The following COL27A1 variants were observed in gnomAD, a reference collection of about 807,000 sequenced individuals.
The protein encoded by COL27A1 is collagen alpha-1(XXVII) chain.
Under a neutral mutation model 251.3 loss-of-function variants are expected in COL27A1, and 106 were observed. The ratio of observed to expected loss-of-function variants is 0.42; its 90% CI spans 0.36 to 0.50. The LOEUF (loss-of-function observed/expected upper bound fraction) is 0.50, where lower values mean the gene tolerates loss of function less well. Ranked by LOEUF, COL27A1 falls within the 20% of genes least tolerant of loss-of-function variation. COL27A1 has a pLI of 0.00. For synonymous variants in COL27A1, 1,000 were observed against 986.3 expected (o/e 1.01, Z -0.26); for missense variants, 2,325 against 2,522.8 (o/e 0.92, Z 1.68).
chr9:114,280,947 A>G (rs1358160699), intron 37 of COL27A1, among the ~76,000 whole-genome samples: 1 of 152,194 alleles, frequency 6.6e-6, no homozygotes, highest in Non-Finnish European at 1.5e-5. Flanking sequence ...ACAGCTGCAG[A>G]AATCTGCAGA....
intron 14 of COL27A1, among the ~76,000 whole-genome samples, chr9:114,228,176 C>T (rs147201081): frequency 3.3e-4 from 51 of 152,284 alleles, no homozygotes; most frequent in African/African-American, 1.1e-3. Context: ...GGTGCTGCGC[C>T]GTGACTCCCC....
At chr9:114,164,399 G>T (rs1848691576) in intron 2 of COL27A1, among the ~76,000 whole-genome samples, 1 of 152,242 alleles carries the variant, frequency 6.6e-6, no homozygotes, top group African/African-American at 2.4e-5. Context: ...CATTTGCCAG[G>T]TGTCAGGGCT....
At chr9:114,267,822 C>A (rs2135612509) in intron 34 of COL27A1, among the ~76,000 whole-genome samples, 1 of 152,302 alleles carries the variant, frequency 6.6e-6, no homozygotes, top group Middle Eastern at 3.4e-3. Context: ...CATGCGATAC[C>A]ATCTGCAGCT....
At chr9:114,238,798 TC>T (rs139745319) in intron 19 of COL27A1, among the ~76,000 whole-genome samples, 3,371 of 152,246 alleles carry the variant, frequency 0.022, 131 homozygotes, top group African/African-American at 0.078. Flanking sequence ...ATTAGGCACC[TC>T]CTGGTGCCAG....
rs544901055 is a variant in COL27A1, at chr9:114,234,801, G to C, written c.2566-798G>C. ...TAGTTAATTAGAAGTAGACCGGCCA[G>C]GCACAGTGGCTCACGCCTGTAATCC... On this transcript the variant is annotated intron_variant, in intron 16 of 60. Coordinates refer to ENST00000356083, the MANE Select transcript of COL27A1 (RefSeq NM_032888.4). 1.8e-4 allele frequency among the ~76,000 whole-genome samples: 28 copies of C among 152,100 alleles called. 1 individual carries two copies. The highest frequency in any genetic ancestry group is 6.5e-4 in the African/African-American group (27 of 41,464).
intron 58 of COL27A1, 28 bp from the exon 59 acceptor site, chr9:114,307,641 C>T (rs1829151909): frequency 6.8e-7 from 1 of 1,478,728 alleles, no homozygotes; most frequent in African/African-American, 1.4e-5. Flanking sequence ...CAGATACATA[C>T]ATCACCTCCA....
intron 12 of COL27A1, among the ~76,000 whole-genome samples, chr9:114,213,567 T>G (rs1183349032): frequency 6.6e-6 from 1 of 152,224 alleles, no homozygotes; most frequent in Non-Finnish European, 1.5e-5. Context: ...TCTGTTGTCA[T>G]GAAGCTCAAA....
At chr9:114,170,081 C>T (rs1173481251) in intron 3 of COL27A1, among the ~76,000 whole-genome samples, 6 of 152,218 alleles carry the variant, frequency 3.9e-5, no homozygotes, top group Admixed American at 1.3e-4. Flanking sequence ...TGAGCCACCC[C>T]GTTAGGACAA....
chr9:114,309,774 C>T (rs1282463331), intron 60 of COL27A1, among the ~76,000 whole-genome samples: 1 of 152,190 alleles, frequency 6.6e-6, no homozygotes, highest in African/African-American at 2.4e-5. Context: ...CTTCTTCCTG[C>T]TCCCACCCTA....
intron 37 of COL27A1, among the ~76,000 whole-genome samples, chr9:114,279,141 C>T (rs893104979): frequency 3.3e-5 from 5 of 152,280 alleles, no homozygotes; most frequent in Non-Finnish European, 5.9e-5. Flanking sequence ...CTGGAAAATG[C>T]CACCAATCAC....
rs1835084728 is a variant in COL27A1, at chr9:114,270,758, C to T, written c.3586C>T (p.Pro1196Ser). ...GCCAGGCCTTGAGGGTGACAGTGGC[C>T]CCATGGGACCTGATGGGCTGAAGGT... ...GEPGLEGDSGPMGPDGLKGDR... is the reference protein window; with the variant it reads ...GEPGLEGDSGSMGPDGLKGDR... The change falls in exon 36 of 61, where the codon CCC (proline) becomes TCC (serine). Residue 1196 changes from proline (P) to serine (S), a missense_variant. Physicochemically the swap from Pro to Ser is moderately conservative, Grantham distance 74. This residue lies in a region of COL27A1 where 662 missense variants were observed against 795.3 expected (regional missense o/e 0.83). Transcript: ENST00000356083. The T allele has an allele frequency of 6.2e-7, 1 of 1,613,136 alleles. No individual in the cohort carries two copies. Among genetic ancestry groups the T allele is most frequent in the African/African-American group, 1.3e-5 (1 of 74,966 alleles).
At chr9:114,300,553 G>A (rs1385967005) in intron 50 of COL27A1, 72 bp from the exon 51 acceptor site, 2 of 1,274,208 alleles carry the variant, frequency 1.6e-6, no homozygotes, top group Admixed American at 2.5e-5. Flanking sequence ...AGACCCCAGG[G>A]GTGAGGGAGC....
chr9:114,270,926 A>T, intron 36 of COL27A1, 145 bp downstream of exon 36: 1 of 692,904 alleles, frequency 1.4e-6, no homozygotes, highest in South Asian at 1.7e-5. Flanking sequence ...AGCTTGGGGA[A>T]GGGTCAGCAG....
chr9:114,156,052 G>A, intron 1 of COL27A1, 40 bp downstream of exon 1: 5 of 1,295,620 alleles, frequency 3.9e-6, no homozygotes, highest in Non-Finnish European at 4.9e-6. Flanking sequence ...CTAGCTTCCT[G>A]CTGCTCCAAT....
intron 16 of COL27A1, among the ~76,000 whole-genome samples, chr9:114,234,055 C>T (rs1327321447): frequency 2.0e-5 from 3 of 152,100 alleles, no homozygotes; most frequent in Non-Finnish European, 4.4e-5. Context: ...GCTTGGCTCC[C>T]TCTCTCAGCC....
chr9:114,276,689 C>T (rs570257310), intron 37 of COL27A1, among the ~76,000 whole-genome samples: 22 of 152,320 alleles, frequency 1.4e-4, no homozygotes, highest in African/African-American at 5.3e-4. Context: ...ATTGAGAAGA[C>T]GGAGGAACTC....
rs1248051404 is a variant in COL27A1 at position 114,155,797 on chromosome 9, C to A, written c.-154C>A. On this transcript the variant is annotated 5_prime_UTR_variant, in exon 1 of 61. Transcript: ENST00000356083. The surrounding 1 kb of genome is among the most constrained non-coding windows in gnomAD (Gnocchi z 5.5). ...CGCGGGGCCCCAGCCGCGCTGCCTG[C>A]CTGCTCGGGCGCCCCTGGGCGCGGG... is the stretch of plus-strand genomic sequence containing the variant. The A allele has an allele frequency of 6.3e-6, 3 of 476,638 alleles. No individual in the cohort carries two copies. Among genetic ancestry groups the A allele is most frequent in the Non-Finnish European group, 8.2e-6 (3 of 366,812 alleles). 29.5% of individuals were successfully genotyped at this position (476,638 alleles called of 1,614,324 possible). A position where few individuals can be genotyped will look rare whatever the true frequency, so the allele number is the denominator to read the frequency against.
intron 14 of COL27A1, among the ~76,000 whole-genome samples, chr9:114,223,030 T>C (rs7024508): frequency 0.084 from 12,850 of 152,176 alleles, 641 homozygotes; most frequent in South Asian, 0.21. Flanking sequence ...TGGGAGGCGA[T>C]CTGACCTGAC....
intron 18 of COL27A1, 72 bp downstream of exon 18, chr9:114,237,106 C>A: frequency 7.1e-7 from 1 of 1,412,600 alleles, no homozygotes; most frequent in Non-Finnish European, 9.6e-7. Context: ...GCTGGGGACA[C>A]CTTCACCTCC....
Sources: gnomAD v4.1 joint callset for allele counts (sites outside exome capture counted in the v4.1 genomes callset) on GRCh38, gnomAD v4.1.1 for gene constraint, gnomAD v4.1.1 regional missense constraint, Gnocchi (gnomAD v3.1) non-coding constraint, MANE v1.5 for transcripts, NCBI Gene and HGNC (gene_info 2026-07-23, HGNC 2026-07-21) for gene names.